The following DHX9 variants were observed in gnomAD, a reference collection of about 807,000 sequenced individuals.
The protein encoded by DHX9 is DExH-box helicase 9, also known as ATP-dependent RNA helicase A.
DHX9 carries 27 observed loss-of-function variants against 148.7 expected under a neutral mutation model. That is an observed-to-expected ratio of 0.18 (90% confidence interval 0.13 to 0.25). DHX9 has a LOEUF of 0.25. DHX9 is among the 10% of genes least tolerant of loss of function. DHX9 has a pLI of 1.00. For synonymous variants in DHX9, 529 were observed against 516.6 expected (o/e 1.02, Z -0.33); for missense variants, 796 against 1,559.6 (o/e 0.51, Z 8.25).
intron 14 of DHX9, among the ~76,000 whole-genome samples, chr1:182,869,659 A>G (rs1481522619): frequency 1.3e-5 from 2 of 152,184 alleles, no homozygotes; most frequent in South Asian, 2.1e-4. Context: ...CGCCCAGGCT[A>G]GAGTGAAGTT....
rs375230623 is a variant in DHX9, at chr1:182,878,214, T to C, written c.2351+41T>C. On this transcript the variant is annotated intron_variant, in intron 20 of 27. Transcript: ENST00000367549. ...GACCTTTAGTAAGGGATTTTTGTTC[T>C]GTTCTCTGTAGGGACAGATGTGTGC... 2.5e-6 allele frequency: 4 copies of C among 1,609,906 alleles called. No homozygotes were observed. In the African/African-American group the frequency reaches 5.3e-5, roughly 22 times the overall value.
intron 4 of DHX9, among the ~76,000 whole-genome samples, chr1:182,852,843 A>T (rs959808394): frequency 6.6e-6 from 1 of 151,178 alleles, no homozygotes; most frequent in Non-Finnish European, 1.5e-5. Context: ...TTTTATTGGG[A>T]TGTCTACCAT....
At chr1:182,845,418 G>C (rs1388169265) in intron 3 of DHX9, among the ~76,000 whole-genome samples, 1 of 146,676 alleles carries the variant, frequency 6.8e-6, no homozygotes, top group African/African-American at 2.6e-5. Context: ...CCCTCTTTTG[G>C]TATGTAAGTG....
chr1:182,850,181 A>G (rs1447630341), intron 3 of DHX9, among the ~76,000 whole-genome samples: 1 of 152,040 alleles, frequency 6.6e-6, no homozygotes, highest in African/African-American at 2.4e-5. Context: ...TTCATACATA[A>G]TACTACTCCA....
At position 182,858,730 on chromosome 1, in the gene DHX9, T is replaced by C; in HGVS notation, c.901-3T>C. On this transcript the variant is annotated splice_polypyrimidine_tract_variant and splice_region_variant and intron_variant, in intron 9 of 27. Coordinates refer to ENST00000367549, the MANE Select transcript of DHX9 (RefSeq NM_001357.5). ...TTTGTTTGTTTTTCTTATTTTTTAA[T>C]AGCCTGAAGATCCTTCTGTGCCAGT... The C allele has an allele frequency of 6.2e-7, 1 of 1,613,644 alleles. No homozygotes were observed. The highest frequency in any genetic ancestry group is 1.7e-5 in the Admixed American group (1 of 59,890).
At chr1:182,854,585 T>TTGAGTCCCAGAATTAGATTGTA (rs575869668) in intron 6 of DHX9, among the ~76,000 whole-genome samples, 321 of 152,234 alleles carry the variant, frequency 2.1e-3, no homozygotes, top group South Asian at 4.6e-3. Context: ...TACTTAAGCT[T>TTGAGTCCCAGAATTAGATTGTA]TGAGTCCCAG....
At chr1:182,869,337 C>T (rs10911152) in intron 14 of DHX9, among the ~76,000 whole-genome samples, 6,093 of 151,892 alleles carry the variant, frequency 0.04, 298 homozygotes, top group African/African-American at 0.11. Flanking sequence ...TGGTTCAGCC[C>T]GGTCTTGTCC....
intron 3 of DHX9, among the ~76,000 whole-genome samples, chr1:182,851,243 A>G (rs1443385904): frequency 6.6e-6 from 1 of 152,226 alleles, no homozygotes; most frequent in Admixed American, 6.5e-5. Flanking sequence ...GTTGCTATAT[A>G]TATTGGCAGA....
At chr1:182,855,344 T>C (rs1668235811) in intron 6 of DHX9, among the ~76,000 whole-genome samples, 1 of 152,214 alleles carries the variant, frequency 6.6e-6, no homozygotes, top group East Asian at 1.9e-4. Context: ...TATCTTATCA[T>C]AGATTTCTGA....
chr1:182,882,817 A>G (rs1334989104), intron 24 of DHX9, among the ~76,000 whole-genome samples: 1 of 150,846 alleles, frequency 6.6e-6, no homozygotes, highest in African/African-American at 2.4e-5. Context: ...GTGAGCAGAG[A>G]TGGCGCCACT....
chr1:182,846,177 A>C (rs763857097), intron 3 of DHX9, among the ~76,000 whole-genome samples: 4 of 152,132 alleles, frequency 2.6e-5, no homozygotes, highest in Non-Finnish European at 5.9e-5. Flanking sequence ...GTCTCCACTT[A>C]GGAGATTATA....
rs573535598 is a variant in DHX9, at chr1:182,852,285, AAGG to A, written c.308_310del (p.Gly103del). On this transcript the variant is annotated inframe_deletion, in exon 4 of 28. Coordinates refer to ENST00000367549, the MANE Select transcript of DHX9 (RefSeq NM_001357.5). ...ACTCCTGACACTACAGCAAATGCTG[AAGG>A]AGATTTACCAACAACCATGGGAGGA... 476 of 1,613,220 alleles carry A rather than the reference AAGG, an allele frequency of 3.0e-4. 6 individuals are homozygous for A. The East Asian group carries it at 8.3e-3, about 28-fold the overall frequency.
intron 13 of DHX9, 81 bp from the exon 14 acceptor site, chr1:182,866,880 C>T: frequency 9.3e-7 from 1 of 1,076,684 alleles, no homozygotes; most frequent in Non-Finnish European, 1.4e-6. Context: ...GCTGGGGTCT[C>T]TTAGTTGAAA....
chr1:182,847,190 C>G (rs906664985), intron 3 of DHX9, among the ~76,000 whole-genome samples: 3 of 152,194 alleles, frequency 2.0e-5, no homozygotes, highest in Non-Finnish European at 4.4e-5. Flanking sequence ...CCTACTACTA[C>G]TAACATCTGA....
At chr1:182,859,313 T>C (rs1309261719) in intron 11 of DHX9, among the ~76,000 whole-genome samples, 196 bp downstream of exon 11, 2 of 152,226 alleles carry the variant, frequency 1.3e-5, no homozygotes, top group Non-Finnish European at 2.9e-5. Flanking sequence ...CACTTCTTAA[T>C]GTAATTTAAT....
chr1:182,875,215 C>T (rs1200716872), intron 16 of DHX9: 1 of 496,494 alleles, frequency 2.0e-6, no homozygotes, highest in East Asian at 5.4e-5. Context: ...GTTTAAAGGC[C>T]AGGCATGGTT....
intron 6 of DHX9, among the ~76,000 whole-genome samples, chr1:182,855,292 G>A (rs1044987430): frequency 5.9e-5 from 9 of 152,184 alleles, no homozygotes; most frequent in African/African-American, 2.2e-4. Flanking sequence ...AGATACCGAA[G>A]TGTGCCTGAA....
At chr1:182,874,046 T>C (rs1174467404) in intron 15 of DHX9, among the ~76,000 whole-genome samples, 1 of 152,238 alleles carries the variant, frequency 6.6e-6, no homozygotes, top group Non-Finnish European at 1.5e-5. Context: ...TCTATACTGA[T>C]ATGTAAATAA....
At chr1:182,852,082 G>GCA (rs2102595008) in intron 3 of DHX9, 151 bp from the exon 4 acceptor site, 1 of 497,538 alleles carries the variant, frequency 2.0e-6, no homozygotes, top group Non-Finnish European at 3.6e-6. Context: ...ATTTTGAGAT[G>GCA]CACTGCTCTA....
Sources: allele counts gnomAD v4.1 joint callset (sites outside exome capture counted in the v4.1 genomes callset), GRCh38; gene constraint gnomAD v4.1.1; transcripts MANE v1.5; gene names NCBI Gene and HGNC (gene_info 2026-07-23, HGNC 2026-07-21).